SYN3: variants seen among roughly 807,000 people sequenced by gnomAD.
The protein encoded by SYN3 is synapsin-3.
A neutral mutation model predicts 65.8 loss-of-function variants in SYN3; 35 were observed. That is an observed-to-expected ratio of 0.53 (90% CI 0.41 to 0.70). The LOEUF (loss-of-function observed/expected upper bound fraction) is 0.70, where lower values mean the gene tolerates loss of function less well. Ranked by LOEUF, SYN3 falls within the 30% of genes least tolerant of loss-of-function variation. SYN3 has a pLI of 0.00. For synonymous variants in SYN3, 270 were observed against 292.9 expected, an observed-to-expected ratio of 0.92 and a Z score of 0.80; for missense variants, 680 against 749.0, an observed-to-expected ratio of 0.91 and a Z score of 1.08.
intron 3 of SYN3, among the ~76,000 whole-genome samples, chr22:32,932,177 C>G (rs1310153882): frequency 6.8e-6 from 1 of 147,744 alleles, no homozygotes; most frequent in Non-Finnish European, 1.5e-5. Context: ...CCTTCATGCT[C>G]TACAGTGGTA....
intron 1 of SYN3, among the ~76,000 whole-genome samples, chr22:33,027,621 A>C (rs5994658): frequency 8.4e-5 from 10 of 119,232 alleles, no homozygotes; most frequent in African/African-American, 3.3e-4. Context: ...GAAAGAAGGA[A>C]AGACAGACAG....
intron 6 of SYN3, among the ~76,000 whole-genome samples, chr22:32,854,479 G>A (rs1435670559): frequency 6.6e-6 from 1 of 152,180 alleles, no homozygotes; most frequent in African/African-American, 2.4e-5. Context: ...CCCATGGGCT[G>A]GGTCCAAAAG....
intron 6 of SYN3, chr22:32,629,997 T>G (rs2059724199): frequency 1.3e-5 from 2 of 151,820 alleles, no homozygotes; most frequent in Admixed American, 1.3e-4. Flanking sequence ...ATTTTTTTTT[T>G]TTTTTGAGAC....
chr22:32,857,146 T>G lies in SYN3; in HGVS notation c.711+7769A>C, dbSNP rs2048391871. 4.6e-6 allele frequency: 4 copies of G among 877,842 alleles called. No individual in the cohort carries two copies. The South Asian group carries it at 5.4e-5, about 12-fold the overall frequency. The allele number at this position is 877,842 out of a possible 1,614,324, so 54.4% of individuals were successfully genotyped here. On this transcript the variant is annotated intron_variant, in intron 6 of 13. Coordinates refer to ENST00000358763, the MANE Select transcript of SYN3 (RefSeq NM_003490.4). ...GAGAGTGCAGACCCCTCTTCCATAT[T>G]CCGATTTCCTTTCCTTTGGATACAT... is the stretch of plus-strand genomic sequence containing the variant.
chr22:32,921,846 G>A (rs891217145), intron 4 of SYN3, among the ~76,000 whole-genome samples: 1 of 152,084 alleles, frequency 6.6e-6, no homozygotes, highest in African/African-American at 2.4e-5. Flanking sequence ...GGAGGAGGAG[G>A]GGGAGTATTA....
At chr22:32,724,011 C>T (rs766970100) in intron 6 of SYN3, among the ~76,000 whole-genome samples, 2 of 152,236 alleles carry the variant, frequency 1.3e-5, no homozygotes, top group African/African-American at 4.8e-5. Context: ...ATTAGACACA[C>T]AGAAAGCTAG....
chr22:32,579,490 G>C (rs191162068), intron 7 of SYN3, among the ~76,000 whole-genome samples: 14 of 152,282 alleles, frequency 9.2e-5, no homozygotes, highest in Non-Finnish European at 1.8e-4. Flanking sequence ...ATTCACGTGG[G>C]CAGAGTCCTC....
chr22:32,836,555 G>C (rs935434039), intron 6 of SYN3, among the ~76,000 whole-genome samples: 6 of 152,228 alleles, frequency 3.9e-5, no homozygotes, highest in Admixed American at 1.3e-4. Context: ...TCATTCCTCC[G>C]CACCTTCAGT....
intron 6 of SYN3, among the ~76,000 whole-genome samples, chr22:32,753,835 C>A (rs1011895752): frequency 3.3e-4 from 50 of 152,146 alleles, no homozygotes; most frequent in Middle Eastern, 3.2e-3. Context: ...GCCCTCCAGG[C>A]CTTGTCCTAA....
intron 1 of SYN3, among the ~76,000 whole-genome samples, chr22:33,028,664 G>GTGGTGA (rs2053683649): frequency 1.8e-4 from 22 of 120,092 alleles, no homozygotes; most frequent in African/African-American, 6.4e-4. Context: ...GGTGGTGGTG[G>GTGGTGA]TGGTGGTGGT....
intron 7 of SYN3, among the ~76,000 whole-genome samples, chr22:32,551,339 C>T (rs1292950549): frequency 6.6e-6 from 1 of 152,082 alleles, no homozygotes; most frequent in Non-Finnish European, 1.5e-5. Flanking sequence ...CCTACCCCCA[C>T]CCTGCACCAG....
intron 3 of SYN3, among the ~76,000 whole-genome samples, chr22:32,936,659 C>T (rs1217283195): frequency 6.6e-6 from 1 of 152,182 alleles, no homozygotes. Context: ...AACCCATGTG[C>T]TCACCAGCTA....
At chr22:32,533,615 C>T (rs1417014719) in intron 10 of SYN3, among the ~76,000 whole-genome samples, 178 bp downstream of exon 10, 1 of 152,178 alleles carries the variant, frequency 6.6e-6, no homozygotes, top group Admixed American at 6.5e-5. Context: ...GGCATGAAGC[C>T]TTTCGATGCC....
At chr22:32,527,657 T>A in intron 12 of SYN3, 1 of 378,630 alleles carries the variant, frequency 2.6e-6, no homozygotes, top group Non-Finnish European at 4.7e-6. Context: ...GCTGGGAAAA[T>A]AAAAGTGAGA....
At chr22:32,551,334 C>T (rs562791627) in intron 7 of SYN3, among the ~76,000 whole-genome samples, 2 of 152,156 alleles carry the variant, frequency 1.3e-5, no homozygotes, top group African/African-American at 2.4e-5. Flanking sequence ...TGGCCCCTAC[C>T]CCCACCCTGC....
At chr22:32,564,711 G>T (rs535469820) in intron 7 of SYN3, among the ~76,000 whole-genome samples, 2 of 151,338 alleles carry the variant, frequency 1.3e-5, no homozygotes, top group Non-Finnish European at 2.9e-5. Context: ...CACCCAAACA[G>T]TGCTCCCGGA....
At chr22:32,914,630 G>T (rs1051581467) in intron 4 of SYN3, among the ~76,000 whole-genome samples, 4 of 151,596 alleles carry the variant, frequency 2.6e-5, no homozygotes, top group Admixed American at 2.0e-4. Flanking sequence ...TTTTAGTAGA[G>T]ACAGGGTTTC....
chr22:32,727,772 T>C (rs1186391415), intron 6 of SYN3, among the ~76,000 whole-genome samples: 3 of 152,264 alleles, frequency 2.0e-5, no homozygotes, highest in South Asian at 2.1e-4. Context: ...GCTGCATGTA[T>C]GTCTTCTTTT....
chr22:32,837,374 G>C lies in SYN3; in HGVS notation c.711+27541C>G, dbSNP rs1341813182. Among the ~76,000 whole-genome samples the C allele has an allele frequency of 1.3e-5, 2 of 148,240 alleles. No individual in the cohort carries two copies. Among genetic ancestry groups the C allele is most frequent in the South Asian group, 2.1e-4 (1 of 4,746 alleles). On this transcript the variant is annotated intron_variant, in intron 6 of 13. Transcript: ENST00000358763. The surrounding 1 kb of genome is among the most constrained non-coding windows in gnomAD (Gnocchi z 4.1). ...AGTGCACTTGCATGGCAGTAAGCAA[G>C]TCGGCGCCTCTGACCCCTGAGTGGG...
Sources: gnomAD v4.1 joint callset for allele counts (sites outside exome capture counted in the v4.1 genomes callset) on GRCh38, gnomAD v4.1.1 for gene constraint, Gnocchi (gnomAD v3.1) non-coding constraint, MANE v1.5 for transcripts, NCBI Gene and HGNC (gene_info 2026-07-23, HGNC 2026-07-21) for gene names.